The following MEI1 variants were observed in gnomAD, a reference collection of about 807,000 sequenced individuals.
MEI1 encodes meiosis inhibitor protein 1.
MEI1 carries 103 observed loss-of-function variants against 146.2 expected under a neutral mutation model. The ratio of observed to expected loss-of-function variants is 0.70; its 90% CI spans 0.60 to 0.83. The LOEUF (loss-of-function observed/expected upper bound fraction) is 0.83. MEI1 is among the 40% of genes least tolerant of loss of function. The probability of loss-of-function intolerance (pLI) is 0.00; values close to 1 mark genes in which losing one functional copy is unlikely to be tolerated. For missense variants in MEI1, 1,529 were observed against 1,533.0 expected, an observed-to-expected ratio of 1.00 and a Z score of 0.04; for synonymous variants, 652 against 628.2, an observed-to-expected ratio of 1.04 and a Z score of -0.57.
intron 14 of MEI1, among the ~76,000 whole-genome samples, chr22:41,746,415 T>C (rs1029137893): frequency 2.0e-5 from 3 of 152,224 alleles, no homozygotes; most frequent in Non-Finnish European, 4.4e-5. Context: ...CGTGCTGAGA[T>C]TGAACCTATG....
At chr22:41,721,658 G>A (rs1351506833) in intron 6 of MEI1, among the ~76,000 whole-genome samples, 11 of 151,192 alleles carry the variant, frequency 7.3e-5, no homozygotes, top group Admixed American at 7.3e-4. Flanking sequence ...CTTCCGAAGT[G>A]CTGGGATTAC....
chr22:41,783,756 C>A (rs2075848024), intron 24 of MEI1, among the ~76,000 whole-genome samples: 1 of 152,340 alleles, frequency 6.6e-6, no homozygotes, highest in South Asian at 2.1e-4. Context: ...TCCCAGCTCA[C>A]TGCAGCCTTG....
intron 3 of MEI1, among the ~76,000 whole-genome samples, chr22:41,710,721 T>C (rs2147277902): frequency 6.6e-6 from 1 of 152,328 alleles, no homozygotes; most frequent in East Asian, 1.9e-4. Flanking sequence ...TACCATGATA[T>C]TGAATAAGCC....
chr22:41,712,204 C>CAAA (rs561773303), intron 3 of MEI1, among the ~76,000 whole-genome samples: 1,530 of 53,674 alleles, frequency 0.029, 165 homozygotes, highest in South Asian at 0.089. Flanking sequence ...AACTCCGGCT[C>CAAA]AAAAAAAAAA....
chr22:41,749,438 G>A (rs969224555), intron 15 of MEI1, among the ~76,000 whole-genome samples: 6 of 152,058 alleles, frequency 3.9e-5, no homozygotes, highest in Admixed American at 6.6e-5. Context: ...ACCATGCCCG[G>A]CTAATTTTGT....
At chr22:41,777,994 C>T (rs765968189) in intron 21 of MEI1, among the ~76,000 whole-genome samples, 17 of 151,026 alleles carry the variant, frequency 1.1e-4, no homozygotes, top group Non-Finnish European at 2.2e-4. Context: ...TCCCCTCCCT[C>T]CTCCTCCTTC....
chr22:41,770,728 G>A lies in MEI1; in HGVS notation c.2311G>A (p.Asp771Asn), dbSNP rs2075130743. Residue 771 changes from aspartate to asparagine, a missense_variant, in exon 20 of 31, where the codon GAC becomes AAC. By Grantham distance (23) the Asp-to-Asn change is conservative (BLOSUM62 1). This residue lies in a region of MEI1 where 1,212 missense variants were observed against 1,178.9 expected (regional missense o/e 1.03). Transcript: ENST00000401548. Reference protein sequence around the residue: ...AIRKFLEGIPDLQLVYTHHPL... With the variant: ...AIRKFLEGIPNLQLVYTHHPL... ...CAGAAAATTCCTAGAAGGCATCCCA[G>A]ACCTGCAGCTAGTCTATACTCACCA... 7 of 1,613,870 alleles carry A rather than the reference G, an allele frequency of 4.3e-6. No homozygotes were observed. The highest frequency in any genetic ancestry group is 5.9e-6 in the Non-Finnish European group (7 of 1,179,872).
chr22:41,753,701 ACTC>A, intron 16 of MEI1: 2 of 366,114 alleles, frequency 5.5e-6, no homozygotes, highest in South Asian at 5.8e-5. Flanking sequence ...CTGGTCTAGA[ACTC>A]CTGACCTCAG....
Position 41,732,342 on chromosome 22 carries a change from C to G in MEI1, c.1194C>G (p.Thr398=), listed in dbSNP as rs374456751. The G allele has an allele frequency of 6.2e-6, 10 of 1,613,118 alleles. No individual in the cohort carries two copies. The highest frequency in any genetic ancestry group is 8.5e-6 in the Non-Finnish European group (10 of 1,179,546). ...QGLLLFAEIL[T]RQPEEIKLFT... ...TGCTGCTTTTCGCTGAAATCCTGAC[C>G]CGGTGAGCAAAGTGGTGGAACATGA... The change falls in exon 10 of 31, where the codon ACC becomes ACG. Residue 398 remains threonine, a splice_region_variant and synonymous_variant. Transcript: ENST00000401548.
intron 19 of MEI1, 35 bp downstream of exon 19, chr22:41,763,356 T>C: frequency 6.2e-7 from 1 of 1,607,818 alleles, no homozygotes. Flanking sequence ...CTTGTCCTTC[T>C]GTACCTCTTT....
intron 26 of MEI1, among the ~76,000 whole-genome samples, chr22:41,790,808 G>C (rs1388372286): frequency 6.6e-6 from 1 of 152,016 alleles, no homozygotes; most frequent in Non-Finnish European, 1.5e-5. Flanking sequence ...GGCCAGGTTG[G>C]TCTCGAACTC....
At chr22:41,706,588 C>T (rs2069112200) in intron 3 of MEI1, among the ~76,000 whole-genome samples, 1 of 151,962 alleles carries the variant, frequency 6.6e-6, no homozygotes. Context: ...GTACAACATG[C>T]CTGTAGTCCT....
In MEI1 at chr22:41,743,921, G is replaced by A. The variant is rs1349774132; in HGVS notation, c.1446+727G>A. 2.0e-5 allele frequency among the ~76,000 whole-genome samples: 3 copies of A among 151,992 alleles called. No individual in the cohort carries two copies. In the East Asian group the frequency reaches 5.8e-4, roughly 29 times the overall value. On this transcript the variant is annotated intron_variant, in intron 12 of 30. Transcript: ENST00000401548. The stretch of plus-strand genomic sequence containing the variant: ...GATGGAGTCTTACTCTGTGGCCCCA[G>A]TCTGGAGTGCAGTGGCACGATCTCG...
intron 26 of MEI1, among the ~76,000 whole-genome samples, chr22:41,792,259 G>A (rs1295806248): frequency 1.3e-5 from 2 of 152,154 alleles, no homozygotes; most frequent in East Asian, 1.9e-4. Context: ...AAAGCAGCCT[G>A]GTGGCACCAG....
intron 3 of MEI1, among the ~76,000 whole-genome samples, chr22:41,706,049 C>T (rs1367510913): frequency 6.8e-6 from 1 of 145,994 alleles, no homozygotes; most frequent in Non-Finnish European, 1.5e-5. Context: ...GACATGGGCT[C>T]ATTCTGTCAC....
intron 3 of MEI1, among the ~76,000 whole-genome samples, chr22:41,706,015 TTCTC>T (rs1357089533): frequency 6.6e-6 from 1 of 151,700 alleles, no homozygotes; most frequent in Admixed American, 6.6e-5. Flanking sequence ...GTCTTTCTTT[TTCTC>T]TCTCTCTTCT....
chr22:41,713,921 C>G (rs773707672), intron 3 of MEI1, 81 bp from the exon 4 acceptor site: 2 of 1,149,138 alleles, frequency 1.7e-6, no homozygotes, highest in Non-Finnish European at 2.6e-6. Context: ...CTATCCTGCA[C>G]TGATTGAGTA....
At chr22:41,752,486 C>A in intron 15 of MEI1, 105 bp from the exon 16 acceptor site, 1 of 1,025,846 alleles carries the variant, frequency 9.7e-7, no homozygotes, top group Non-Finnish European at 1.5e-6. Flanking sequence ...TGAACCAAGT[C>A]TGTGTAACTC....
chr22:41,794,534 G>A, intron 28 of MEI1, 57 bp downstream of exon 28: 4 of 1,433,208 alleles, frequency 2.8e-6, no homozygotes, highest in Non-Finnish European at 3.9e-6. Context: ...GGGTGGTGCT[G>A]AAGAGGCCAG....
Sources: gnomAD v4.1 joint callset for allele counts (sites outside exome capture counted in the v4.1 genomes callset) on GRCh38, gnomAD v4.1.1 for gene constraint, gnomAD v4.1.1 regional missense constraint, MANE v1.5 for transcripts, NCBI Gene and HGNC (gene_info 2026-07-23, HGNC 2026-07-21) for gene names.